Variants in CCDC93 observed in about 807,000 individuals in gnomAD.
The protein encoded by CCDC93 is coiled-coil domain-containing protein 93.
In CCDC93, 61 loss-of-function variants were observed where a neutral mutation model predicts 108.2. That is an observed-to-expected ratio of 0.56 (90% CI 0.46 to 0.70). The LOEUF is 0.70. CCDC93 is among the 30% of genes least tolerant of loss of function. The pLI, the probability that CCDC93 is intolerant of heterozygous loss-of-function variation, is 0.00. For missense variants in CCDC93, 685 were observed against 764.2 expected (o/e 0.90, Z 1.22); for synonymous variants, 276 against 260.4 (o/e 1.06, Z -0.58).
intron 1 of CCDC93, among the ~76,000 whole-genome samples, chr2:118,012,161 C>T (rs1677035749): frequency 6.6e-6 from 1 of 152,070 alleles, no homozygotes; most frequent in South Asian, 2.1e-4. Context: ...GCAATCCCAG[C>T]TACTGGGAAG....
chr2:117,988,100 C>CAT (rs952477350), intron 6 of CCDC93, among the ~76,000 whole-genome samples: 12 of 150,616 alleles, frequency 8.0e-5, no homozygotes, highest in South Asian at 2.1e-4. Flanking sequence ...GGTTCTGATA[C>CAT]ATATATATAT....
rs199803106 is a variant in CCDC93, at chr2:117,920,296, G to A, written c.*47C>T. ...TTTCATGATCTTGTAGGTGATATAC[G>A]GTGCTTAAAAGTAAAATCAATGACA... On this transcript the variant is annotated 3_prime_UTR_variant, in exon 24 of 24. Transcript: ENST00000376300. 9.6e-6 allele frequency: 13 copies of A among 1,350,352 alleles called. No individual in the cohort carries two copies. Among genetic ancestry groups the A allele is most frequent in the East Asian group, 4.6e-5 (2 of 43,452 alleles). The allele number at this position is 1,350,352 out of a possible 1,614,324, so 83.6% of individuals were successfully genotyped here.
chr2:117,940,114 ACT>A (rs2104727938), intron 19 of CCDC93, among the ~76,000 whole-genome samples: 1 of 152,352 alleles, frequency 6.6e-6, no homozygotes, highest in Non-Finnish European at 1.5e-5. Flanking sequence ...CTTGAAAATT[ACT>A]AAGACACAGA....
At chr2:117,969,028 G>A (rs1011075850) in intron 11 of CCDC93, among the ~76,000 whole-genome samples, 4 of 152,194 alleles carry the variant, frequency 2.6e-5, no homozygotes, top group Admixed American at 2.6e-4. Context: ...ATTCCCACCT[G>A]CTGATGTTCA....
At chr2:117,996,493 C>A (rs572175583) in intron 4 of CCDC93, 131 bp from the exon 5 acceptor site, 3 of 634,248 alleles carry the variant, frequency 4.7e-6, no homozygotes, top group Non-Finnish European at 5.7e-6. Flanking sequence ...AAGAAGCTAT[C>A]AACACATGCT....
Position 117,916,214 on chromosome 2 carries a change from A to G in CCDC93, c.*4129T>C, listed in dbSNP as rs1432510851. On this transcript the variant is annotated 3_prime_UTR_variant, in exon 24 of 24. Coordinates refer to ENST00000376300, the MANE Select transcript of CCDC93 (RefSeq NM_019044.5). ...GCACTGTGGTCCCACTTCTTGGTTC[A>G]CATGGCTGAGACATTTCTGCCCATC... 2 of 152,320 alleles carry G rather than the reference A, an allele frequency of 1.3e-5. No homozygotes were observed. The highest frequency in any genetic ancestry group is 2.9e-5 in the Non-Finnish European group (2 of 68,044). 9.4% of individuals were successfully genotyped at this position (152,320 alleles called of 1,614,324 possible).
chr2:117,994,587 T>C (rs1204345802), intron 6 of CCDC93, among the ~76,000 whole-genome samples: 2 of 152,200 alleles, frequency 1.3e-5, no homozygotes, highest in Non-Finnish European at 2.9e-5. Context: ...ATTCTTTTTC[T>C]GGAAAGACTC....
At chr2:117,928,153 A>G (rs2104708150) in intron 23 of CCDC93, among the ~76,000 whole-genome samples, 1 of 152,368 alleles carries the variant, frequency 6.6e-6, no homozygotes, top group South Asian at 2.1e-4. Context: ...AAAACCATAA[A>G]AACCCTAGAA....
At chr2:117,977,138 C>T (rs1679969236) in intron 8 of CCDC93, among the ~76,000 whole-genome samples, 2 of 151,970 alleles carry the variant, frequency 1.3e-5, no homozygotes, top group Non-Finnish European at 1.5e-5. Context: ...CGGGGTTTCA[C>T]CGTGTTAGCC....
intron 13 of CCDC93, chr2:117,950,181 G>T: frequency 2.0e-6 from 2 of 985,276 alleles, no homozygotes; most frequent in Non-Finnish European, 2.4e-6. Context: ...ATCCACAGAG[G>T]TGGTAACCCG....
At chr2:117,972,608 A>ATT (rs34350545) in intron 11 of CCDC93, among the ~76,000 whole-genome samples, 5,687 of 145,470 alleles carry the variant, frequency 0.039, 375 homozygotes, top group African/African-American at 0.13. Flanking sequence ...TCCAGTTGTC[A>ATT]TTTTTTTTTT....
At chr2:117,996,453 A>G (rs1032584582) in intron 4 of CCDC93, 91 bp from the exon 5 acceptor site, 2 of 829,378 alleles carry the variant, frequency 2.4e-6, no homozygotes, top group Non-Finnish European at 4.1e-6. Context: ...TCATGAACTC[A>G]AATCAGCATA....
chr2:117,929,249 T>A (rs1678238942), intron 23 of CCDC93, among the ~76,000 whole-genome samples: 1 of 152,152 alleles, frequency 6.6e-6, no homozygotes, highest in South Asian at 2.1e-4. Context: ...ACCCTAAAAC[T>A]TAAAGTATAA....
At chr2:117,935,686 A>G in intron 21 of CCDC93, 107 bp from the exon 22 acceptor site, 1 of 796,096 alleles carries the variant, frequency 1.3e-6, no homozygotes, top group Non-Finnish European at 2.0e-6. Flanking sequence ...AGGAGAGGCA[A>G]TCAGGTCTTT....
chr2:117,984,209 C>G (rs1680245817), intron 7 of CCDC93, among the ~76,000 whole-genome samples: 1 of 152,138 alleles, frequency 6.6e-6, no homozygotes, highest in Non-Finnish European at 1.5e-5. Flanking sequence ...ATCTCTCTCC[C>G]ACCCAAAAAA....
intron 8 of CCDC93, among the ~76,000 whole-genome samples, chr2:117,976,247 T>C (rs1171945547): frequency 1.3e-5 from 2 of 152,218 alleles, no homozygotes; most frequent in Non-Finnish European, 2.9e-5. Context: ...CAAGCACAAT[T>C]TGAATACTAT....
intron 9 of CCDC93, 22 bp from the exon 10 acceptor site, chr2:117,974,922 G>T: frequency 6.4e-7 from 1 of 1,554,750 alleles, no homozygotes; most frequent in Non-Finnish European, 8.7e-7. Context: ...ATGGAAGGGA[G>T]CAGCAGTGAG....
At chr2:117,960,192 G>A (rs1306866069) in intron 11 of CCDC93, among the ~76,000 whole-genome samples, 1 of 152,124 alleles carries the variant, frequency 6.6e-6, no homozygotes, top group Non-Finnish European at 1.5e-5. Flanking sequence ...TGCTTTACTA[G>A]CCGAATTACA....
At chr2:118,011,107 TA>T (rs1346771871) in intron 1 of CCDC93, among the ~76,000 whole-genome samples, 9 of 152,206 alleles carry the variant, frequency 5.9e-5, no homozygotes, top group Middle Eastern at 3.2e-3. Flanking sequence ...AGGACACACT[TA>T]TTAAATAAAG....
Sources: allele counts gnomAD v4.1 joint callset (sites outside exome capture counted in the v4.1 genomes callset), GRCh38; gene constraint gnomAD v4.1.1; transcripts MANE v1.5; gene names NCBI Gene and HGNC (gene_info 2026-07-23, HGNC 2026-07-21).